Variants in CNTN5 observed in about 807,000 individuals in gnomAD.
CNTN5 encodes contactin 5.
CNTN5 carries 77 observed loss-of-function variants against 129.1 expected under a neutral mutation model. That is an observed-to-expected ratio of 0.60 (90% CI 0.50 to 0.72). The LOEUF (loss-of-function observed/expected upper bound fraction) is 0.72. CNTN5 is among the 30% of genes least tolerant of loss of function. The pLI, the probability that CNTN5 is intolerant of heterozygous loss-of-function variation, is 0.00. For synonymous variants in CNTN5, 509 were observed against 465.6 expected (o/e 1.09, Z -1.20); for missense variants, 1,478 against 1,328.8 (o/e 1.11, Z -1.75).
At chr11:99,950,189 G>A (rs1950639050) in intron 7 of CNTN5, among the ~76,000 whole-genome samples, 1 of 152,074 alleles carries the variant, frequency 6.6e-6, no homozygotes, top group African/African-American at 2.4e-5. Context: ...AAAATATCTT[G>A]ATTCTGAGGC....
chr11:99,869,436 C>T (rs148421417), intron 6 of CNTN5, among the ~76,000 whole-genome samples: 1 of 152,012 alleles, frequency 6.6e-6, no homozygotes, highest in Non-Finnish European at 1.5e-5. Flanking sequence ...TAAAGAGACC[C>T]TAACTTTTGT....
intron 3 of CNTN5, among the ~76,000 whole-genome samples, chr11:99,643,791 T>C (rs1257531139): frequency 6.6e-6 from 1 of 152,100 alleles, no homozygotes; most frequent in Non-Finnish European, 1.5e-5. Flanking sequence ...TCCAGTAACA[T>C]ATATTTAGAA....
chr11:99,541,783 T>C (rs80071951), intron 2 of CNTN5, among the ~76,000 whole-genome samples: 2,992 of 151,652 alleles, frequency 0.02, 97 homozygotes, highest in African/African-American at 0.067. Context: ...ATCTCGTCTC[T>C]ATGGAAAATC....
intron 3 of CNTN5, among the ~76,000 whole-genome samples, chr11:99,759,843 G>T (rs983388639): frequency 6.6e-6 from 1 of 152,028 alleles, no homozygotes; most frequent in Non-Finnish European, 1.5e-5. Flanking sequence ...TTCAAAATTG[G>T]TTGGCTATTG....
intron 2 of CNTN5, among the ~76,000 whole-genome samples, chr11:99,487,435 T>C (rs1945860550): frequency 6.6e-6 from 1 of 152,204 alleles, no homozygotes; most frequent in East Asian, 1.9e-4. Flanking sequence ...TCTTGTCTGA[T>C]GCCAAGATCT....
intron 9 of CNTN5, among the ~76,000 whole-genome samples, chr11:100,031,999 C>A (rs796826482): frequency 6.6e-6 from 1 of 152,154 alleles, no homozygotes; most frequent in African/African-American, 2.4e-5. Flanking sequence ...CTCAACCTGC[C>A]GATCCACATA....
chr11:99,818,841 CATT>C (rs993806520), intron 3 of CNTN5, among the ~76,000 whole-genome samples: 17 of 152,148 alleles, frequency 1.1e-4, no homozygotes, highest in East Asian at 3.9e-4. Flanking sequence ...AAAATTTCAT[CATT>C]GTTTCCCCAC....
chr11:99,710,567 ATGTGTGTG>A (rs71050018), intron 3 of CNTN5, among the ~76,000 whole-genome samples: 9,482 of 140,422 alleles, frequency 0.068, 360 homozygotes, highest in Non-Finnish European at 0.096. Flanking sequence ...GTGTGTGTGC[ATGTGTGTG>A]TGTGTGTGTG....
At chr11:99,793,286 C>T (rs1945818742) in intron 3 of CNTN5, among the ~76,000 whole-genome samples, 1 of 152,142 alleles carries the variant, frequency 6.6e-6, no homozygotes, top group South Asian at 2.1e-4. Context: ...GTCTCCATCT[C>T]CTGACCTCGT....
At chr11:100,334,877 A>G (rs1245866736) in intron 21 of CNTN5, among the ~76,000 whole-genome samples, 1 of 152,252 alleles carries the variant, frequency 6.6e-6, no homozygotes, top group African/African-American at 2.4e-5. Flanking sequence ...TCACCACTAA[A>G]GAACCTATCT....
chr11:99,845,426 G>A (rs971382471), intron 6 of CNTN5, among the ~76,000 whole-genome samples, 164 bp downstream of exon 6: 4 of 127,376 alleles, frequency 3.1e-5, no homozygotes, highest in African/African-American at 9.4e-5. Flanking sequence ...AGGCTGGAGT[G>A]CAGTGGCGGG....
rs1952536072 is a variant in CNTN5 at position 100,356,891 on chromosome 11, C to T, written c.*671C>T. 6.6e-6 allele frequency: 1 copy of T among 151,664 alleles called. No homozygotes were observed. 9.4% of individuals were successfully genotyped at this position (151,664 alleles called of 1,614,324 possible). A position where few individuals can be genotyped will look rare whatever the true frequency, so the allele number is the denominator to read the frequency against. ...ATTAGTGCAAGATAGAAAGCGAGTC[C>T]AGATGAATTTCAGTGCTATAGTTTT... On this transcript the variant is annotated 3_prime_UTR_variant, in exon 25 of 25. Transcript: ENST00000524871.
intron 7 of CNTN5, among the ~76,000 whole-genome samples, chr11:99,943,009 T>C (rs888304820): frequency 1.3e-5 from 2 of 152,142 alleles, no homozygotes; most frequent in African/African-American, 4.8e-5. Context: ...CCAATAAACA[T>C]ACATGTGCAT....
At chr11:99,357,218 C>G (rs758613409) in intron 2 of CNTN5, among the ~76,000 whole-genome samples, 24 of 152,018 alleles carry the variant, frequency 1.6e-4, no homozygotes, top group Non-Finnish European at 2.9e-4. Flanking sequence ...TTACTAACAC[C>G]TTGTTGCTTC....
intron 1 of CNTN5, among the ~76,000 whole-genome samples, chr11:99,042,416 C>T (rs1458835385): frequency 2.1e-4 from 29 of 141,198 alleles, no homozygotes; most frequent in Non-Finnish European, 3.9e-4. Flanking sequence ...TCTCTGTCAC[C>T]CCAGGCTGGA....
intron 1 of CNTN5, among the ~76,000 whole-genome samples, chr11:99,113,466 G>C (rs1314157576): frequency 2.0e-5 from 3 of 152,038 alleles, no homozygotes; most frequent in East Asian, 1.9e-4. Context: ...ATAAAGTACT[G>C]TATGTGACTA....
intron 1 of CNTN5, among the ~76,000 whole-genome samples, chr11:99,054,895 G>A (rs1864569851): frequency 6.6e-6 from 1 of 151,898 alleles, no homozygotes; most frequent in African/African-American, 2.4e-5. Flanking sequence ...ATGAGTGTTA[G>A]GAAGTTCGTT....
intron 21 of CNTN5, among the ~76,000 whole-genome samples, chr11:100,309,881 A>G (rs749207789): frequency 9.2e-5 from 14 of 151,776 alleles, no homozygotes; most frequent in Non-Finnish European, 1.9e-4. Context: ...GGAGAGCTAC[A>G]TTGCTTGGAA....
At chr11:99,204,419 T>G (rs1859369900) in intron 1 of CNTN5, among the ~76,000 whole-genome samples, 1 of 152,216 alleles carries the variant, frequency 6.6e-6, no homozygotes, top group Admixed American at 6.5e-5. Context: ...TATTCCTTTT[T>G]TTCCCCTCTA....
Sources: gnomAD v4.1 joint callset for allele counts (sites outside exome capture counted in the v4.1 genomes callset) on GRCh38, gnomAD v4.1.1 for gene constraint, MANE v1.5 for transcripts, NCBI Gene and HGNC (gene_info 2026-07-23, HGNC 2026-07-21) for gene names.